The following PLXNA1 variants were observed in gnomAD, a reference collection of about 807,000 sequenced individuals.
The protein encoded by PLXNA1 is plexin A1.
In PLXNA1, 77 loss-of-function variants were observed where a neutral mutation model predicts 191.7. The ratio of observed to expected loss-of-function variants is 0.40; its 90% CI spans 0.33 to 0.49. PLXNA1 has a LOEUF of 0.49. Ranked by LOEUF, PLXNA1 falls within the 20% of genes least tolerant of loss-of-function variation. PLXNA1 has a pLI of 0.63. For synonymous variants in PLXNA1, 1,137 were observed against 1,156.4 expected, an observed-to-expected ratio of 0.98 and a Z score of 0.34; for missense variants, 2,110 against 2,660.2, an observed-to-expected ratio of 0.79 and a Z score of 4.55.
intron 3 of PLXNA1, among the ~76,000 whole-genome samples, chr3:127,002,817 CCCT>C (rs1163216755): frequency 6.6e-6 from 1 of 152,186 alleles, no homozygotes; most frequent in Non-Finnish European, 1.5e-5. Flanking sequence ...GAGACGCCCA[CCCT>C]CCTCCACTGC....
chr3:126,997,657 C>T (rs560272089), intron 3 of PLXNA1, among the ~76,000 whole-genome samples: 11 of 152,350 alleles, frequency 7.2e-5, no homozygotes, highest in Non-Finnish European at 1.3e-4. Flanking sequence ...ATGTAGTTGG[C>T]CACTGTGGGC....
At chr3:127,011,095 G>C (rs1335024308) in intron 9 of PLXNA1, among the ~76,000 whole-genome samples, 4 of 152,240 alleles carry the variant, frequency 2.6e-5, no homozygotes, top group Non-Finnish European at 5.9e-5. Flanking sequence ...TGCCAGGGAG[G>C]TACAGCATAG....
In PLXNA1 at chr3:127,030,297, C is replaced by T. The variant is rs1473747021; in HGVS notation, c.5116C>T (p.His1706Tyr). The T allele has an allele frequency of 6.2e-7, 1 of 1,613,796 alleles. No homozygotes were observed. Among genetic ancestry groups the T allele is most frequent in the Non-Finnish European group, 8.5e-7 (1 of 1,180,028 alleles). Residue 1706 changes from histidine to tyrosine, a missense_variant, in exon 29 of 32, where the codon CAC (histidine) becomes TAC (tyrosine). Around this residue, in one of 4 missense-constraint regions of PLXNA1, gnomAD observed 559 missense variants for 911.5 expected, o/e 0.61. Transcript: ENST00000393409. ...DLFETIFSTA[H>Y]RGSALPLAIK... Reference sequence around the variant, plus strand: ...GTTTGAGACCATCTTCAGCACGGCACACCGGGGCTCAGCCCTGCCGCTGGC... The same window carrying T: ...GTTTGAGACCATCTTCAGCACGGCATACCGGGGCTCAGCCCTGCCGCTGGC...
At chr3:127,006,225 C>A in intron 8 of PLXNA1, 47 bp downstream of exon 8, 1 of 1,441,214 alleles carries the variant, frequency 6.9e-7, no homozygotes, top group Non-Finnish European at 9.8e-7. Context: ...GGGCTACTTG[C>A]CCCACTCCCG....
At position 127,034,921 on chromosome 3, in the gene PLXNA1, C is replaced by T. The variant is rs1358298417; in HGVS notation, c.*904C>T. On this transcript the variant is annotated 3_prime_UTR_variant, in exon 32 of 32. Transcript: ENST00000393409. The stretch of plus-strand genomic sequence containing the variant: ...CCACCCTGGAGCCCCTGAGGGCGGC[C>T]CCTGAGCACTCCTCTCTCTCCACTC... 6.5e-6 allele frequency: 1 copy of T among 152,832 alleles called. No individual in the cohort carries two copies. Among genetic ancestry groups the T allele is most frequent in the Admixed American group, 6.5e-5 (1 of 15,292 alleles). 9.5% of individuals were successfully genotyped at this position (152,832 alleles called of 1,614,324 possible).
At chr3:127,008,825 C>T (rs1010436872) in intron 9 of PLXNA1, among the ~76,000 whole-genome samples, 3 of 152,134 alleles carry the variant, frequency 2.0e-5, no homozygotes, top group Admixed American at 1.3e-4. Flanking sequence ...CCCCCAGCGT[C>T]ACCCTCTGGA....
At chr3:127,029,156 C>A (rs1025097817) in intron 26 of PLXNA1, 60 bp downstream of exon 26, 27 of 1,324,866 alleles carry the variant, frequency 2.0e-5, no homozygotes, top group Non-Finnish European at 2.9e-5. Context: ...TTCCACAGCG[C>A]AGCCACCAAT....
chr3:127,028,555 C>T (rs939937766), intron 25 of PLXNA1, among the ~76,000 whole-genome samples: 1 of 152,074 alleles, frequency 6.6e-6, no homozygotes, highest in Non-Finnish European at 1.5e-5. Context: ...GTGGTGGGTT[C>T]CAGTGCACTC....
At chr3:127,012,715 TG>T (rs1177761476) in intron 10 of PLXNA1, among the ~76,000 whole-genome samples, 5 of 152,222 alleles carry the variant, frequency 3.3e-5, no homozygotes, top group African/African-American at 1.2e-4. Context: ...GACACAATAG[TG>T]TTTGAAAAGC....
intron 4 of PLXNA1, 94 bp from the exon 5 acceptor site, chr3:127,004,517 G>C: frequency 2.3e-6 from 2 of 879,728 alleles, no homozygotes; most frequent in Non-Finnish European, 1.8e-6. Context: ...GGGCCTCCCC[G>C]GGCCTAAGGA....
chr3:127,031,441 C>T (rs1410445190), intron 29 of PLXNA1, among the ~76,000 whole-genome samples: 2 of 152,164 alleles, frequency 1.3e-5, no homozygotes, highest in African/African-American at 4.8e-5. Context: ...ATGGCTGGAC[C>T]CTGCTTCACC....
chr3:127,026,026 C>T (rs951720718), intron 23 of PLXNA1, among the ~76,000 whole-genome samples: 18 of 152,224 alleles, frequency 1.2e-4, no homozygotes, highest in Non-Finnish European at 2.9e-5. Flanking sequence ...ATTTATTGAA[C>T]TGCCCATATT....
At position 126,989,108 on chromosome 3, in the gene PLXNA1, T is replaced by A; in HGVS notation, c.515T>A (p.Val172Glu). ...SVQEAGSMAG[V>E]LIAGPPGQGQ... ...CAGGAGGCAGGCAGCATGGCGGGCG[T>A]GCTCATTGCCGGGCCACCGGGCCAG... Residue 172 changes from valine (V) to glutamate (E), a missense_variant, in exon 2 of 32, where the codon GTG becomes GAG. This residue lies in a region of PLXNA1 where 903 missense variants were observed against 1,015.7 expected (regional missense o/e 0.89). Transcript: ENST00000393409. 1 of 1,612,998 alleles carries A rather than the reference T, an allele frequency of 6.2e-7. No homozygotes were observed. The highest frequency in any genetic ancestry group is 2.2e-5 in the East Asian group (1 of 44,860).
At chr3:127,007,229 C>T (rs962523170) in intron 8 of PLXNA1, among the ~76,000 whole-genome samples, 2 of 152,016 alleles carry the variant, frequency 1.3e-5, no homozygotes, top group African/African-American at 4.8e-5. Flanking sequence ...AGGTGCCAGC[C>T]CTGTGCAAGG....
chr3:127,030,544 A>C, intron 29 of PLXNA1, 132 bp downstream of exon 29: 2 of 1,107,296 alleles, frequency 1.8e-6, no homozygotes, highest in Non-Finnish European at 2.6e-6. Context: ...CAGCAGGGGC[A>C]TGGCGGGCCA....
In PLXNA1 at chr3:126,989,194, C is replaced by G; in HGVS notation, c.601C>G (p.Leu201Val). The change falls in exon 2 of 32, where the codon CTG becomes GTG. Residue 201 changes from leucine to valine, a missense_variant. Transcript: ENST00000393409. ...TGGCAAGTCCGAGTACTTCCCCACA[C>G]TGTCCAGCCGTCGGCTCATGGCCAA... Reference protein sequence around the residue: ...IDGKSEYFPTLSSRRLMANEE... With the variant: ...IDGKSEYFPTVSSRRLMANEE... The G allele has an allele frequency of 6.2e-7, 1 of 1,613,600 alleles. No individual in the cohort carries two copies. Among genetic ancestry groups the G allele is most frequent in the Non-Finnish European group, 8.5e-7 (1 of 1,180,050 alleles).
At chr3:126,996,511 T>C (rs1256329164) in intron 3 of PLXNA1, among the ~76,000 whole-genome samples, 5 of 152,196 alleles carry the variant, frequency 3.3e-5, no homozygotes. Context: ...CTTGAGCCTC[T>C]TCAGGTCTGT....
intron 16 of PLXNA1, 57 bp from the exon 17 acceptor site, chr3:127,016,887 C>T (rs1576683965): frequency 1.3e-6 from 2 of 1,493,594 alleles, no homozygotes; most frequent in East Asian, 2.3e-5. Context: ...GCCCACGTTT[C>T]CAGCTCACTG....
rs774174563 is a variant in PLXNA1, at chr3:127,006,110, G to A, written c.1929G>A (p.Lys643=). 1 of 1,613,790 alleles carries A rather than the reference G, an allele frequency of 6.2e-7. No homozygotes were observed. Among genetic ancestry groups the A allele is most frequent in the Non-Finnish European group, 8.5e-7 (1 of 1,179,988 alleles). Residue 643 remains lysine (K), a synonymous_variant, in exon 8 of 32, where the codon AAG becomes AAA. Coordinates refer to ENST00000393409, the MANE Select transcript of PLXNA1 (RefSeq NM_032242.4). ...GDQRVVKLYL[K]SKETGKKFAS... is the part of the protein sequence containing the mutation. ...AGCGGGTGGTGAAACTCTACCTAAA[G>A]TCCAAGGAGACAGGGAAGAAGTTTG...
Sources: gnomAD v4.1 joint callset for allele counts (sites outside exome capture counted in the v4.1 genomes callset) on GRCh38, gnomAD v4.1.1 for gene constraint, gnomAD v4.1.1 regional missense constraint, MANE v1.5 for transcripts, NCBI Gene and HGNC (gene_info 2026-07-23, HGNC 2026-07-21) for gene names.